Variants in MIPOL1 observed in about 807,000 individuals in gnomAD.
The protein encoded by MIPOL1 is mirror-image polydactyly gene 1 protein.
Under a neutral mutation model 60.9 loss-of-function variants are expected in MIPOL1, and 57 were observed. That is an observed-to-expected ratio of 0.94 (90% CI 0.76 to 1.17). MIPOL1 has a LOEUF of 1.17. Ranked by LOEUF, MIPOL1 falls within the 50% of genes most tolerant of loss-of-function variation. The pLI is 0.00. For synonymous variants in MIPOL1, 179 were observed against 168.8 expected (o/e 1.06, Z -0.47); for missense variants, 551 against 511.6 (o/e 1.08, Z -0.74).
At chr14:37,538,056 C>T (rs2095514186) in intron 12 of MIPOL1, among the ~76,000 whole-genome samples, 1 of 152,208 alleles carries the variant, frequency 6.6e-6, no homozygotes, top group Admixed American at 6.5e-5. Context: ...GGTCCAGCTT[C>T]TTTAGTTGCA....
At chr14:37,418,744 T>C (rs1201983584) in intron 10 of MIPOL1, among the ~76,000 whole-genome samples, 2 of 152,088 alleles carry the variant, frequency 1.3e-5, no homozygotes, top group African/African-American at 4.8e-5. Context: ...AGGTTGGTTA[T>C]GAGAATAGAA....
chr14:37,199,585 C>T (rs755964554), intron 1 of MIPOL1, among the ~76,000 whole-genome samples: 1 of 151,672 alleles, frequency 6.6e-6, no homozygotes, highest in African/African-American at 2.4e-5. Flanking sequence ...AGTGCAGTGG[C>T]GCGATCTCGG....
intron 6 of MIPOL1, among the ~76,000 whole-genome samples, chr14:37,282,981 C>T (rs1594892076): frequency 1.3e-5 from 2 of 151,994 alleles, no homozygotes; most frequent in Non-Finnish European, 2.9e-5. Context: ...ATAACTGAAA[C>T]CATGGAAAAA....
intron 11 of MIPOL1, among the ~76,000 whole-genome samples, chr14:37,475,180 G>A (rs2094751755): frequency 6.6e-6 from 1 of 152,210 alleles, no homozygotes; most frequent in East Asian, 1.9e-4. Context: ...GGCCAGGCTA[G>A]TCTTGAACTC....
intron 12 of MIPOL1, among the ~76,000 whole-genome samples, chr14:37,533,779 C>G (rs984947482): frequency 6.6e-6 from 1 of 152,040 alleles, no homozygotes; most frequent in African/African-American, 2.4e-5. Context: ...TTTTTGACTC[C>G]GATGCTTCTT....
rs557063452 is a variant in MIPOL1 at position 37,417,135 on chromosome 14, C to A, written c.937-5720C>A. Among the ~76,000 whole-genome samples, 4 of 152,218 alleles carry A rather than the reference C, an allele frequency of 2.6e-5. No individual in the cohort carries two copies. The South Asian group carries it at 8.3e-4, about 32-fold the overall frequency. ...AAGTGGTGAAGGCAGGGTGGGACCC[C>A]AGCCTTTCTGGTTCCATAGACTATG... On this transcript the variant is annotated intron_variant, in intron 10 of 12. Coordinates refer to ENST00000684589, the MANE Select transcript of MIPOL1 (RefSeq NM_001388067.1).
At chr14:37,289,887 C>T (rs1291458449) in intron 7 of MIPOL1, among the ~76,000 whole-genome samples, 3 of 152,098 alleles carry the variant, frequency 2.0e-5, no homozygotes, top group Admixed American at 6.5e-5. Context: ...ATCAGTTAAT[C>T]ATTAGCGTAC....
rs117830346 is a variant in MIPOL1 at position 37,384,131 on chromosome 14, A to G, written c.936+14507A>G. Among the ~76,000 whole-genome samples the G allele has an allele frequency of 6.8e-4, 104 of 152,078 alleles. 1 individual carries two copies. The highest frequency in any genetic ancestry group is 1.3e-3 in the Non-Finnish European group (87 of 67,862). ...ATAGTGGACTCAGTTAAGAATTGTC[A>G]AACTTAATTCTAAATGTCTTTACTT... On this transcript the variant is annotated intron_variant, in intron 10 of 12. Transcript: ENST00000684589.
intron 9 of MIPOL1, among the ~76,000 whole-genome samples, chr14:37,350,419 T>G (rs910474123): frequency 1.4e-5 from 2 of 144,960 alleles, no homozygotes; most frequent in Non-Finnish European, 3.0e-5. Flanking sequence ...TCTTTCCTAT[T>G]TTTTTTTTAC....
rs2095557308 is a variant in MIPOL1 at position 37,549,769 on chromosome 14, A to G, written c.*2798A>G. The G allele has an allele frequency of 6.6e-6, 1 of 151,958 alleles. No homozygotes were observed. Among genetic ancestry groups the G allele is most frequent in the Non-Finnish European group, 1.5e-5 (1 of 67,852 alleles). 9.4% of individuals were successfully genotyped at this position (151,958 alleles called of 1,614,324 possible). On this transcript the variant is annotated 3_prime_UTR_variant, in exon 13 of 13. Coordinates refer to ENST00000684589, the MANE Select transcript of MIPOL1 (RefSeq NM_001388067.1). ...AGCATCACATTATTACCACCTCTCT[A>G]TGGTATTATAGTGGCAGTATGCTTT... is the stretch of plus-strand genomic sequence containing the variant.
rs1232951539 is a variant in MIPOL1 at position 37,299,284 on chromosome 14, T to C, written c.624-8772T>C. ...AAGGGGAACATCACACACAGGGGAC[T>C]GTTGTAGGGTAGGGAGAGGGGGGCG... is the stretch of plus-strand genomic sequence containing the variant. On this transcript the variant is annotated intron_variant, in intron 7 of 12. Coordinates refer to ENST00000684589, the MANE Select transcript of MIPOL1 (RefSeq NM_001388067.1). Among the ~76,000 whole-genome samples the C allele has an allele frequency of 2.7e-5, 4 of 150,456 alleles. No homozygotes were observed. The East Asian group carries it at 7.9e-4, about 30-fold the overall frequency.
intron 11 of MIPOL1, among the ~76,000 whole-genome samples, chr14:37,467,435 A>AT (rs1271194710): frequency 1.3e-5 from 2 of 152,190 alleles, no homozygotes; most frequent in Admixed American, 6.5e-5. Flanking sequence ...GATAAATATC[A>AT]TTTTTTATAA....
chr14:37,203,927 C>A (rs989636781), intron 1 of MIPOL1, among the ~76,000 whole-genome samples: 1 of 152,170 alleles, frequency 6.6e-6, no homozygotes, highest in Non-Finnish European at 1.5e-5. Flanking sequence ...GGACTGCAGG[C>A]ACATGCCACC....
In MIPOL1 at chr14:37,247,240, G is replaced by A. The variant is rs572042410; in HGVS notation, c.-61G>A. 24 of 152,254 alleles carry A rather than the reference G, an allele frequency of 1.6e-4. No homozygotes were observed. Among genetic ancestry groups the A allele is most frequent in the African/African-American group, 5.6e-4 (23 of 41,436 alleles). The allele number at this position is 152,254 out of a possible 1,614,324, so 9.4% of individuals were successfully genotyped here. On this transcript the variant is annotated splice_region_variant and 5_prime_UTR_variant, in exon 2 of 13. Transcript: ENST00000684589. ...AAAGAACGCTGGGTTCTATCTGTGA[G>A]GTAAATCTAATTTTATTCTCCTTAA...
chr14:37,289,191 C>T (rs1421099738), intron 7 of MIPOL1, among the ~76,000 whole-genome samples: 1 of 152,148 alleles, frequency 6.6e-6, no homozygotes, highest in East Asian at 1.9e-4. Flanking sequence ...AAACTCAGTG[C>T]ACTTCTTTTC....
At position 37,308,380 on chromosome 14, in the gene MIPOL1, A is replaced by T. The variant is rs778939284; in HGVS notation, c.689A>T (p.Asn230Ile). The stretch of plus-strand genomic sequence containing the variant: ...CAGGAATTACTGAACAGAATAAACA[A>T]TGCAGACACAGGGATAGCTATTCAG... ...TLQELLNRIN[N>I]ADTGIAIQKN... Residue 230 changes from asparagine (N) to isoleucine (I), a missense_variant, in exon 9 of 13, where the codon AAT becomes ATT. By Grantham distance (149) the Asn-to-Ile change is moderately radical (BLOSUM62 -3). Transcript: ENST00000684589. 1 of 1,587,930 alleles carries T rather than the reference A, an allele frequency of 6.3e-7. No individual in the cohort carries two copies. Among genetic ancestry groups the T allele is most frequent in the African/African-American group, 1.4e-5 (1 of 73,832 alleles).
At chr14:37,349,068 A>G (rs1595297503) in intron 9 of MIPOL1, among the ~76,000 whole-genome samples, 1 of 135,088 alleles carries the variant, frequency 7.4e-6, no homozygotes, top group Non-Finnish European at 1.5e-5. Flanking sequence ...GGCTCACTGC[A>G]GTCTCCACCT....
chr14:37,422,063 C>A (rs2093882207), intron 10 of MIPOL1, among the ~76,000 whole-genome samples: 1 of 151,890 alleles, frequency 6.6e-6, no homozygotes, highest in East Asian at 1.9e-4. Flanking sequence ...ACCTGACTTA[C>A]CAGTGCCAGA....
rs145525907 is a variant in MIPOL1, at chr14:37,498,398, G to A, written c.1032-1510G>A. On this transcript the variant is annotated intron_variant, in intron 11 of 12. Transcript: ENST00000684589. ...TTTTTTAAGGTTTAGCTTTTAGTTT[G>A]TTTCTTCTTTTCTTTCTTTCTTTCT... Among the ~76,000 whole-genome samples the A allele has an allele frequency of 4.8e-3, 737 of 152,176 alleles. 7 individuals carry two copies. The highest frequency in any genetic ancestry group is 0.017 in the African/African-American group (695 of 41,534).
Sources: allele counts gnomAD v4.1 joint callset (sites outside exome capture counted in the v4.1 genomes callset), GRCh38; gene constraint gnomAD v4.1.1; transcripts MANE v1.5; gene names NCBI Gene and HGNC (gene_info 2026-07-23, HGNC 2026-07-21).